Variants in THNSL2 observed in about 807,000 individuals in gnomAD.
The protein encoded by THNSL2 is threonine synthase like 2.
THNSL2 carries 34 observed loss-of-function variants against 40.0 expected under a neutral mutation model. That is an observed-to-expected ratio of 0.85 (90% CI 0.65 to 1.13). The LOEUF (loss-of-function observed/expected upper bound fraction) is 1.13, where lower values mean the gene tolerates loss of function less well. Ranked by LOEUF, THNSL2 falls within the 50% of genes most tolerant of loss-of-function variation. The pLI is 0.00. For synonymous variants in THNSL2, 241 were observed against 247.5 expected, an observed-to-expected ratio of 0.97 and a Z score of 0.25; for missense variants, 537 against 608.8, an observed-to-expected ratio of 0.88 and a Z score of 1.24.
chr2:88,175,227 G>A (rs1019247227), intron 3 of THNSL2, 22 bp from the exon 4 acceptor site: 31 of 1,610,464 alleles, frequency 1.9e-5, no homozygotes, highest in African/African-American at 1.1e-4. Context: ...AAGGGGGAGA[G>A]TTCTCCTTTC....
chr2:88,183,231 G>A (rs1481176856), intron 7 of THNSL2, 158 bp downstream of exon 7: 5 of 978,208 alleles, frequency 5.1e-6, no homozygotes, highest in African/African-American at 1.6e-5. Context: ...ATAATTTATT[G>A]AATGAGGAGA....
intron 3 of THNSL2, 81 bp downstream of exon 3, chr2:88,174,914 C>A: frequency 2.0e-6 from 3 of 1,484,548 alleles, no homozygotes; most frequent in Non-Finnish European, 2.8e-6. Flanking sequence ...GTTCATAGAG[C>A]CACTCAGGAA....
In THNSL2 at chr2:88,175,281, G is replaced by A; in HGVS notation, c.451G>A (p.Glu151Lys). 3 of 1,614,194 alleles carry A rather than the reference G, an allele frequency of 1.9e-6. No homozygotes were observed. Among genetic ancestry groups the A allele is most frequent in the Non-Finnish European group, 2.5e-6 (3 of 1,180,032 alleles). Reference sequence around the variant, plus strand: ...TGGGGACACAGGAAGTGCTGCCATTGAGAGTGTTCAAGGGGCAAAGAACAT... The same window carrying A: ...TGGGGACACAGGAAGTGCTGCCATTAAGAGTGTTCAAGGGGCAAAGAACAT... Reference protein sequence around the residue: ...TSGDTGSAAIESVQGAKNMDI... With the variant: ...TSGDTGSAAIKSVQGAKNMDI... The change falls in exon 4 of 9, where the codon GAG (glutamate) becomes AAG (lysine). Residue 151 changes from glutamate (E) to lysine (K), a missense_variant. Transcript: ENST00000674334.
rs369508046 is a variant in THNSL2 at position 88,178,833 on chromosome 2, G to A, written c.622G>A (p.Asp208Asn). Residue 208 changes from aspartate (D) to asparagine (N), a missense_variant, in exon 5 of 9, where the codon GAT becomes AAT. By Grantham distance (23) the Asp-to-Asn change is conservative. Transcript: ENST00000674334. ...TGAGCCGATCAAGACTGTGTTTGCC[G>A]ATGTGGCTTTTGTCAAGAAGCACAA... The part of the protein sequence containing the change: ...LDEPIKTVFA[D>N]VAFVKKHNLM... 6.4e-5 allele frequency: 103 copies of A among 1,614,044 alleles called. No homozygotes were observed. The highest frequency in any genetic ancestry group is 7.2e-5 in the Non-Finnish European group (85 of 1,180,050).
chr2:88,185,208 G>T (rs761809159), intron 7 of THNSL2, 120 bp from the exon 8 acceptor site: 2 of 1,383,990 alleles, frequency 1.4e-6, no homozygotes, highest in Non-Finnish European at 1.9e-6. Context: ...TGAGCCATTC[G>T]GTCTGAATGT....
intron 5 of THNSL2, 101 bp downstream of exon 5, chr2:88,179,114 G>A: frequency 8.3e-7 from 1 of 1,209,400 alleles, no homozygotes; most frequent in Non-Finnish European, 1.2e-6. Flanking sequence ...GAAGGAAGGT[G>A]GAGTCCCAGT....
intron 3 of THNSL2, 135 bp downstream of exon 3, chr2:88,174,968 G>C: frequency 9.0e-7 from 1 of 1,108,038 alleles, no homozygotes; most frequent in Non-Finnish European, 1.3e-6. Flanking sequence ...AACATTTTCT[G>C]GTGCCATAGA....
chr2:88,175,448 A>C (rs369425655), intron 4 of THNSL2, 47 bp downstream of exon 4: 6 of 1,597,992 alleles, frequency 3.8e-6, no homozygotes, highest in Non-Finnish European at 5.1e-6. Flanking sequence ...CCCTGCCTTA[A>C]TTGGGTTTGC....
intron 5 of THNSL2, among the ~76,000 whole-genome samples, chr2:88,180,809 C>T (rs1273119950): frequency 1.3e-5 from 2 of 152,112 alleles, no homozygotes; most frequent in African/African-American, 4.8e-5. Flanking sequence ...TCTGGCCTCC[C>T]CTGGTGCCTG....
chr2:88,171,340 C>A, intron 1 of THNSL2: 1 of 456,652 alleles, frequency 2.2e-6, no homozygotes, highest in Non-Finnish European at 4.4e-6. Flanking sequence ...CCTTCCATGA[C>A]CTGCTCAGAG....
At chr2:88,181,573 CTG>C (rs138449577) in intron 5 of THNSL2, among the ~76,000 whole-genome samples, 38 of 119,682 alleles carry the variant, frequency 3.2e-4, no homozygotes, top group African/African-American at 5.9e-4. Context: ...CTCTCTCTTG[CTG>C]TGTGTGTGTG....
In THNSL2 at chr2:88,178,995, G is replaced by A. The variant is rs750092972; in HGVS notation, c.784G>A (p.Ala262Thr). 2 of 1,614,026 alleles carry A rather than the reference G, an allele frequency of 1.2e-6. No individual in the cohort carries two copies. The highest frequency in any genetic ancestry group is 1.7e-6 in the Non-Finnish European group (2 of 1,180,036). ...GGTGGAGGTGGTTGTGCCAACAGGGGCTGCCGGTAACCTTGCAGGTAAGGA... is the reference window on the plus strand; with the variant it reads ...GGTGGAGGTGGTTGTGCCAACAGGGACTGCCGGTAACCTTGCAGGTAAGGA... ...PLVEVVVPTG[A>T]AGNLAAGYIA... Residue 262 changes from alanine (A) to threonine (T), a missense_variant, in exon 5 of 9, where the codon GCT becomes ACT. Coordinates refer to ENST00000674334, the MANE Select transcript of THNSL2 (RefSeq NM_018271.5).
At position 88,183,076 on chromosome 2, in the gene THNSL2, C is replaced by G; in HGVS notation, c.1077+3C>G. 1 of 1,611,754 alleles carries G rather than the reference C, an allele frequency of 6.2e-7. No individual in the cohort carries two copies. ...TGCCCAAGGAACTGCACAGCAAGGT[C>G]AGTCACTACCCACACACCACAGAGA... On this transcript the variant is annotated splice_donor_region_variant and intron_variant, in intron 7 of 8. Coordinates refer to ENST00000674334, the MANE Select transcript of THNSL2 (RefSeq NM_018271.5).
At chr2:88,185,160 C>A (rs1199876189) in intron 7 of THNSL2, among the ~76,000 whole-genome samples, 168 bp from the exon 8 acceptor site, 1 of 152,168 alleles carries the variant, frequency 6.6e-6, no homozygotes, top group Non-Finnish European at 1.5e-5. Flanking sequence ...TGAGTCAGCT[C>A]AAAACTAGGA....
intron 4 of THNSL2, chr2:88,175,625 C>T (rs1414312338): frequency 1.9e-6 from 1 of 536,414 alleles, no homozygotes; most frequent in Non-Finnish European, 3.2e-6. Flanking sequence ...ACCAACAGTA[C>T]AACATGCTAA....
Position 88,179,726 on chromosome 2 carries a change from T to G in THNSL2, c.802+713T>G, listed in dbSNP as rs150101916. On this transcript the variant is annotated intron_variant, in intron 5 of 8. Transcript: ENST00000674334. ...ACTTAGTATGCAACTGGCACAGTTCTAAATGCTTTTCACATATGAACTCAT... is the reference window on the plus strand; with the variant it reads ...ACTTAGTATGCAACTGGCACAGTTCGAAATGCTTTTCACATATGAACTCAT... Among the ~76,000 whole-genome samples, 52 of 152,376 alleles carry G rather than the reference T, an allele frequency of 3.4e-4. No homozygotes were observed. The East Asian group carries it at 0.01, about 29-fold the overall frequency.
rs1454651932 is a variant in THNSL2, at chr2:88,185,358, T to A, written c.1108T>A (p.Ser370Thr). Residue 370 changes from serine (S) to threonine (T), a missense_variant, in exon 8 of 9, where the codon TCG (serine) becomes ACG (threonine). Ser to Thr is a moderately conservative substitution (Grantham distance 58). Transcript: ENST00000674334. ...AGAGGCAGTGACATCCGTGTCAGTGTCGGATGAAGCCATCACCCAGACCAT... is the reference window on the plus strand; with the variant it reads ...AGAGGCAGTGACATCCGTGTCAGTGACGGATGAAGCCATCACCCAGACCAT... Reference protein sequence around the residue: ...LSEAVTSVSVSDEAITQTMGR... With the variant: ...LSEAVTSVSVTDEAITQTMGR... 1 of 1,613,870 alleles carries A rather than the reference T, an allele frequency of 6.2e-7. No individual in the cohort carries two copies. The highest frequency in any genetic ancestry group is 8.5e-7 in the Non-Finnish European group (1 of 1,179,932).
Position 88,186,376 on chromosome 2 carries a change from T to C in THNSL2, c.*253T>C. ...CCGGCCCGTGCAGCAGTGTCTGAGC[T>C]GTAGTGAAAGTTTCAGGGCCTGCAA... On this transcript the variant is annotated 3_prime_UTR_variant, in exon 9 of 9. Coordinates refer to ENST00000674334, the MANE Select transcript of THNSL2 (RefSeq NM_018271.5). 1 of 520,980 alleles carries C rather than the reference T, an allele frequency of 1.9e-6. No homozygotes were observed. Among genetic ancestry groups the C allele is most frequent in the East Asian group, 3.4e-5 (1 of 29,262 alleles). The allele number at this position is 520,980 out of a possible 1,614,324, so 32.3% of individuals were successfully genotyped here.
At chr2:88,184,156 C>T (rs1317007514) in intron 7 of THNSL2, among the ~76,000 whole-genome samples, 2 of 152,186 alleles carry the variant, frequency 1.3e-5, no homozygotes, top group Non-Finnish European at 2.9e-5. Context: ...GAATTCCGGC[C>T]TTCTGGAATC....
Sources: allele counts gnomAD v4.1 joint callset (sites outside exome capture counted in the v4.1 genomes callset), GRCh38; gene constraint gnomAD v4.1.1; transcripts MANE v1.5; gene names NCBI Gene and HGNC (gene_info 2026-07-23, HGNC 2026-07-21).